The following ZNF280C variants were observed in gnomAD, a reference collection of about 807,000 sequenced individuals.
ZNF280C encodes suppressor of hairy wing homolog 3.
A neutral mutation model predicts 53.6 loss-of-function variants in ZNF280C; 14 were observed. The observed-to-expected ratio is 0.26, with a 90% CI of 0.17 to 0.41. ZNF280C has a LOEUF of 0.41. ZNF280C is among the 10% of genes least tolerant of loss of function. ZNF280C has a pLI of 1.00. For synonymous variants in ZNF280C, 203 were observed against 181.1 expected, an observed-to-expected ratio of 1.12 and a Z score of -0.97; for missense variants, 416 against 547.1, an observed-to-expected ratio of 0.76 and a Z score of 2.39.
chrX:130,203,240 T>G lies in ZNF280C; in HGVS notation c.*1737A>C, dbSNP rs748928854. On this transcript the variant is annotated 3_prime_UTR_variant, in exon 19 of 19. Coordinates refer to ENST00000370978, the MANE Select transcript of ZNF280C (RefSeq NM_017666.5). ...GAAGAGTTCAAAAGTAGACATAAAATGGACATCAGCAAATTTCATGAATCT... is the reference window on the plus strand; with the variant it reads ...GAAGAGTTCAAAAGTAGACATAAAAGGGACATCAGCAAATTTCATGAATCT... 7.2e-5 allele frequency: 8 copies of G among 111,522 alleles called. No individual in the cohort carries two copies. The East Asian group carries it at 2.2e-3, about 31-fold the overall frequency. 9.2% of individuals were successfully genotyped at this position (111,522 alleles called of 1,213,427 possible). A position where few individuals can be genotyped will look rare whatever the true frequency, so the allele number is the denominator to read the frequency against.
Position 130,221,686 on chromosome X carries a change from TA to T in ZNF280C, c.1396-1207del, listed in dbSNP as rs759802322. Among the ~76,000 whole-genome samples, 843 of 110,675 alleles carry T rather than the reference TA, an allele frequency of 7.6e-3. 15 individuals carry two copies. The East Asian group carries it at 0.098, about 13-fold the overall frequency. ...TTAATAAAACCTGTCAGTGATACCTTAAAAAAAAATTTATAATCTTTCAATT... is the reference window on the plus strand; with the variant it reads ...TTAATAAAACCTGTCAGTGATACCTTAAAAAAAATTTATAATCTTTCAATT... On this transcript the variant is annotated intron_variant, in intron 12 of 18. Transcript: ENST00000370978.
chrX:130,215,213 G>C lies in ZNF280C; in HGVS notation c.1959C>G (p.Ala653=). 9 of 1,206,740 alleles carry C rather than the reference G, an allele frequency of 7.5e-6. No individual in the cohort carries two copies. The highest frequency in any genetic ancestry group is 1.0e-5 in the Non-Finnish European group (9 of 893,351). The change falls in exon 15 of 19, where the codon GCC becomes GCG. Residue 653 remains alanine (A), a synonymous_variant. Coordinates refer to ENST00000370978, the MANE Select transcript of ZNF280C (RefSeq NM_017666.5). ...CTTACCTCATCATATGATTTACAAA[G>C]GCTTTGTTACAGTTAGTATTGTACT... ...FCKYNTNCNK[A]FVNHMMSSHS...
chrX:130,249,490 G>GA (rs1202184696), intron 2 of ZNF280C, among the ~76,000 whole-genome samples: 2 of 111,919 alleles, frequency 1.8e-5, no homozygotes, highest in South Asian at 3.7e-4. Flanking sequence ...AGAAGCCAGA[G>GA]AAAAAAGCAG....
At chrX:130,214,465 TA>T (rs2032077716) in intron 15 of ZNF280C, among the ~76,000 whole-genome samples, 1 of 111,085 alleles carries the variant, frequency 9.0e-6, no homozygotes, top group Non-Finnish European at 1.9e-5. Flanking sequence ...TTAGCATCAT[TA>T]AAAAGCCTGG....
chrX:130,267,084 T>C (rs567960716), intron 1 of ZNF280C, among the ~76,000 whole-genome samples: 5 of 105,526 alleles, frequency 4.7e-5, no homozygotes, highest in African/African-American at 1.4e-4. Context: ...CCGGGCGACA[T>C]TGCGAGACTC....
intron 2 of ZNF280C, among the ~76,000 whole-genome samples, chrX:130,258,363 C>CT (rs2032596746): frequency 9.0e-6 from 1 of 111,566 alleles, no homozygotes; most frequent in Non-Finnish European, 1.9e-5. Context: ...TTAGCATGGC[C>CT]TTAACATGTA....
chrX:130,208,191 G>A (rs1360719915), intron 16 of ZNF280C, among the ~76,000 whole-genome samples: 1 of 111,708 alleles, frequency 9.0e-6, no homozygotes, highest in Non-Finnish European at 1.9e-5. Context: ...GTATAGTGGC[G>A]CAATCTTGGC....
At chrX:130,264,042 G>GAA (rs1268256045) in intron 1 of ZNF280C, among the ~76,000 whole-genome samples, 2 of 85,831 alleles carry the variant, frequency 2.3e-5, no homozygotes, top group Non-Finnish European at 4.6e-5. Flanking sequence ...AAAAAAAAAA[G>GAA]AAAAGAAAGA....
intron 1 of ZNF280C, among the ~76,000 whole-genome samples, chrX:130,265,663 T>C (rs2032680568): frequency 8.9e-6 from 1 of 112,352 alleles, no homozygotes; most frequent in Admixed American, 9.5e-5. Context: ...TACCACTTCC[T>C]GGCTGCCAAA....
chrX:130,226,089 T>C (rs2032218703), intron 12 of ZNF280C, among the ~76,000 whole-genome samples: 1 of 112,512 alleles, frequency 8.9e-6, no homozygotes, highest in Admixed American at 9.4e-5. Context: ...GCATCAATAC[T>C]GGTATCCCAG....
At position 130,236,231 on chromosome X, in the gene ZNF280C, A is replaced by T; in HGVS notation, c.754T>A (p.Leu252Met). ...CNVQFNLLDPLKYHMKHCCPD... is the reference protein window; with the variant it reads ...CNVQFNLLDPMKYHMKHCCPD... ...AGTTTTACCTTCATGTGGTATTTCA[A>T]AGGATCCAAAAGATTGAACTGAACA... The change falls in exon 8 of 19, where the codon TTG (leucine) becomes ATG (methionine). Residue 252 changes from leucine (L) to methionine (M), a missense_variant. By Grantham distance (15) the Leu-to-Met change is conservative. Coordinates refer to ENST00000370978, the MANE Select transcript of ZNF280C (RefSeq NM_017666.5). 1 of 1,197,875 alleles carries T rather than the reference A, an allele frequency of 8.3e-7. No homozygotes were observed. The highest frequency in any genetic ancestry group is 1.1e-6 in the Non-Finnish European group (1 of 888,343).
rs930089326 is a variant in ZNF280C, at chrX:130,205,387, C to A, written c.2071G>T (p.Asp691Tyr). 2.5e-6 allele frequency: 3 copies of A among 1,201,929 alleles called. No individual in the cohort carries two copies. The highest frequency in any genetic ancestry group is 3.4e-6 in the Non-Finnish European group (3 of 890,171). Reference sequence around the variant, plus strand: ...AAGCCGGAAGAATCAGCTAGGAAATCACATTTAAGGCACACTAGAGTAATG... The same window carrying A: ...AAGCCGGAAGAATCAGCTAGGAAATAACATTTAAGGCACACTAGAGTAATG... ...RGITLVCLKC[D>Y]FLADSSGLDR... Residue 691 changes from aspartate to tyrosine, a missense_variant, in exon 17 of 19, where the codon GAT (aspartate) becomes TAT (tyrosine). This residue lies in a region of ZNF280C where 151 missense variants were observed against 176.9 expected (regional missense o/e 0.85). Coordinates refer to ENST00000370978, the MANE Select transcript of ZNF280C (RefSeq NM_017666.5).
chrX:130,218,442 T>C (rs1170505487), intron 13 of ZNF280C, among the ~76,000 whole-genome samples: 1 of 111,739 alleles, frequency 8.9e-6, no homozygotes, highest in Non-Finnish European at 1.9e-5. Context: ...AAATTTATCA[T>C]TTACTATTTG....
chrX:130,206,361 G>GTTTTTT (rs1048503644), intron 16 of ZNF280C, among the ~76,000 whole-genome samples: 15 of 73,474 alleles, frequency 2.0e-4, no homozygotes, highest in Non-Finnish European at 3.3e-4. Flanking sequence ...GACTTCTTTA[G>GTTTTTT]TTTTTTTTTT....
chrX:130,249,181 C>T (rs1482630508), intron 2 of ZNF280C, among the ~76,000 whole-genome samples: 1 of 111,885 alleles, frequency 8.9e-6, no homozygotes, highest in African/African-American at 3.3e-5. Flanking sequence ...GCCCCATCCC[C>T]ATGCTAATGC....
At chrX:130,266,505 A>G (rs1046743692) in intron 1 of ZNF280C, among the ~76,000 whole-genome samples, 7 of 112,309 alleles carry the variant, frequency 6.2e-5, no homozygotes, top group Non-Finnish European at 1.3e-4. Context: ...TAACATTCTC[A>G]TAACAAAATG....
At chrX:130,262,872 T>G (rs1218849581) in intron 1 of ZNF280C, among the ~76,000 whole-genome samples, 3 of 112,497 alleles carry the variant, frequency 2.7e-5, no homozygotes, top group Non-Finnish European at 5.6e-5. Context: ...TATTTTTTGG[T>G]TTCAGCTTTT....
intron 15 of ZNF280C, 81 bp from the exon 16 acceptor site, chrX:130,209,796 A>C: frequency 1.3e-6 from 1 of 758,935 alleles, no homozygotes; most frequent in Non-Finnish European, 2.0e-6. Flanking sequence ...ATTTCAAGCC[A>C]ATGCTTAATT....
At chrX:130,243,977 T>C in intron 3 of ZNF280C, 112 bp from the exon 4 acceptor site, 1 of 466,457 alleles carries the variant, frequency 2.1e-6, no homozygotes, top group Non-Finnish European at 3.3e-6. Context: ...TATATTTCTT[T>C]CCTTTAATGG....
Sources: gnomAD v4.1 joint callset for allele counts (sites outside exome capture counted in the v4.1 genomes callset) on GRCh38, gnomAD v4.1.1 for gene constraint, gnomAD v4.1.1 regional missense constraint, MANE v1.5 for transcripts, NCBI Gene and HGNC (gene_info 2026-07-23, HGNC 2026-07-21) for gene names.